COL23A1: variants seen among roughly 807,000 people sequenced by gnomAD.
COL23A1 encodes the protein collagen type XXIII alpha 1 chain, also known as collagen alpha-1(XXIII) chain.
In COL23A1, 97 loss-of-function variants were observed where a neutral mutation model predicts 99.3. The ratio of observed to expected loss-of-function variants is 0.98; its 90% CI spans 0.83 to 1.16. The LOEUF (loss-of-function observed/expected upper bound fraction) is 1.16. Ranked by LOEUF, COL23A1 falls within the 50% of genes most tolerant of loss-of-function variation. The pLI, the probability that COL23A1 is intolerant of heterozygous loss-of-function variation, is 0.00. For synonymous variants in COL23A1, 320 were observed against 308.2 expected (o/e 1.04, Z -0.40); for missense variants, 762 against 757.4 (o/e 1.01, Z -0.07).
At chr5:178,291,072 G>A (rs573158918) in intron 3 of COL23A1, among the ~76,000 whole-genome samples, 106 of 152,328 alleles carry the variant, frequency 7.0e-4, no homozygotes, top group South Asian at 1.7e-3. Flanking sequence ...ACAGAGCAGC[G>A]ACTTGTGTGG....
chr5:178,239,089 C>T, intron 28 of COL23A1, 52 bp downstream of exon 28: 3 of 1,605,388 alleles, frequency 1.9e-6, no homozygotes, highest in Non-Finnish European at 1.7e-6. Context: ...CCCATTCCCC[C>T]ACCCTCCCCT....
At chr5:178,576,943 G>A (rs1253754935) in intron 1 of COL23A1, among the ~76,000 whole-genome samples, 1 of 151,724 alleles carries the variant, frequency 6.6e-6, no homozygotes, top group African/African-American at 2.4e-5. Context: ...CCGCGGAGAC[G>A]TCTTCCCCGC....
chr5:178,529,976 G>A (rs1760551564), intron 2 of COL23A1, among the ~76,000 whole-genome samples: 1 of 152,218 alleles, frequency 6.6e-6, no homozygotes, highest in Non-Finnish European at 1.5e-5. Context: ...TCCCGCTCTA[G>A]CAGTCAGGCC....
At chr5:178,409,666 G>A (rs1764963699) in intron 2 of COL23A1, among the ~76,000 whole-genome samples, 1 of 152,074 alleles carries the variant, frequency 6.6e-6, no homozygotes, top group Non-Finnish European at 1.5e-5. Flanking sequence ...AAAATGAAAG[G>A]TAAAATTTTA....
intron 2 of COL23A1, among the ~76,000 whole-genome samples, chr5:178,485,903 C>T (rs1757602906): frequency 6.6e-6 from 1 of 151,850 alleles, no homozygotes; most frequent in Non-Finnish European, 1.5e-5. Flanking sequence ...TCCAGCTGTT[C>T]ATTGTGTTGG....
intron 2 of COL23A1, among the ~76,000 whole-genome samples, chr5:178,479,119 A>G (rs1227657531): frequency 6.6e-6 from 1 of 152,048 alleles, no homozygotes; most frequent in African/African-American, 2.4e-5. Context: ...GATGATGATG[A>G]TGATGACCGT....
At chr5:178,497,194 T>A (rs1758242358) in intron 2 of COL23A1, among the ~76,000 whole-genome samples, 1 of 152,096 alleles carries the variant, frequency 6.6e-6, no homozygotes, top group Non-Finnish European at 1.5e-5. Flanking sequence ...AACAAAACCA[T>A]GAGCTGTGCA....
chr5:178,420,451 CTCCCCA>C (rs1765558846), intron 2 of COL23A1, among the ~76,000 whole-genome samples: 1 of 94,004 alleles, frequency 1.1e-5, no homozygotes, highest in Non-Finnish European at 2.2e-5. Context: ...TCCTCCTCCC[CTCCCCA>C]CCTCTATCCT....
At chr5:178,474,942 C>G (rs551228563) in intron 2 of COL23A1, among the ~76,000 whole-genome samples, 1 of 152,342 alleles carries the variant, frequency 6.6e-6, no homozygotes, top group Admixed American at 6.5e-5. Context: ...CCTCTGAAGG[C>G]TTAGGGGAGA....
At chr5:178,577,995 ACTGT>A (rs1240930307) in intron 1 of COL23A1, among the ~76,000 whole-genome samples, 1 of 152,174 alleles carries the variant, frequency 6.6e-6, no homozygotes, top group Non-Finnish European at 1.5e-5. Context: ...AAAGTCTCTC[ACTGT>A]CTAAGTGAGA....
chr5:178,253,462 C>A (rs915137721), intron 16 of COL23A1, among the ~76,000 whole-genome samples: 5 of 152,020 alleles, frequency 3.3e-5, no homozygotes, highest in African/African-American at 7.2e-5. Flanking sequence ...GCTAGCCTTC[C>A]CCCAATATGT....
At chr5:178,521,049 G>A (rs1404826424) in intron 2 of COL23A1, among the ~76,000 whole-genome samples, 1 of 152,110 alleles carries the variant, frequency 6.6e-6, no homozygotes, top group Admixed American at 6.5e-5. Flanking sequence ...GTAGCCTATT[G>A]CCCCCAGGCT....
intron 2 of COL23A1, among the ~76,000 whole-genome samples, chr5:178,536,037 G>C (rs900067602): frequency 2.0e-5 from 3 of 152,274 alleles, no homozygotes; most frequent in African/African-American, 7.2e-5. Flanking sequence ...ACAACCCTCT[G>C]AGGTGGAAAC....
chr5:178,461,506 C>T (rs1430588534), intron 2 of COL23A1, among the ~76,000 whole-genome samples: 1 of 152,228 alleles, frequency 6.6e-6, no homozygotes, highest in Admixed American at 6.5e-5. Context: ...GCAGGCAATG[C>T]CCTCTGAAAG....
intron 3 of COL23A1, among the ~76,000 whole-genome samples, chr5:178,303,898 G>A (rs1305134920): frequency 1.3e-5 from 2 of 152,218 alleles, no homozygotes; most frequent in African/African-American, 4.8e-5. Flanking sequence ...CCAGGGCTGC[G>A]AGAGAAGGGG....
rs1250710680 is a variant in COL23A1 at position 178,590,009 on chromosome 5, G to A, written c.189C>T (p.Gly63=). The A allele has an allele frequency of 7.4e-7, 1 of 1,349,080 alleles. No homozygotes were observed. The highest frequency in any genetic ancestry group is 9.5e-7 in the Non-Finnish European group (1 of 1,050,744). The allele number at this position is 1,349,080 out of a possible 1,614,324, so 83.6% of individuals were successfully genotyped here. A position where few individuals can be genotyped will look rare whatever the true frequency, so the allele number is the denominator to read the frequency against. The change falls in exon 1 of 29, where the codon GGC becomes GGT. Residue 63 remains glycine, a synonymous_variant. Coordinates refer to ENST00000390654, the MANE Select transcript of COL23A1 (RefSeq NM_173465.4). The surrounding 1 kb of genome is among the most constrained non-coding windows in gnomAD (Gnocchi z 5.7). ...GCTCCTCCTCGAGCGCCGCCACCCG[G>A]CCCTGCAGCGCGGCCGCCTGGACAC... The part of the protein sequence containing the change: ...LLGVQAAALQ[G]RVAALEEERE...
intron 2 of COL23A1, among the ~76,000 whole-genome samples, chr5:178,552,788 A>G (rs262009): frequency 0.26 from 38,898 of 151,096 alleles, 5,768 homozygotes; most frequent in African/African-American, 0.4. Flanking sequence ...ATCTTGGCTC[A>G]CTGCAACCTC....
chr5:178,356,881 G>A (rs549742307), intron 2 of COL23A1, among the ~76,000 whole-genome samples: 1 of 152,154 alleles, frequency 6.6e-6, no homozygotes, highest in East Asian at 1.9e-4. Flanking sequence ...TGGGGTCTGC[G>A]CACTGAGCCT....
At chr5:178,257,022 G>C in intron 13 of COL23A1, 94 bp from the exon 14 acceptor site, 6 of 1,093,552 alleles carry the variant, frequency 5.5e-6, no homozygotes, top group Non-Finnish European at 8.1e-6. Flanking sequence ...CTGAAGCCTC[G>C]CGATTAGGCC....
Sources: gnomAD v4.1 joint callset for allele counts (sites outside exome capture counted in the v4.1 genomes callset) on GRCh38, gnomAD v4.1.1 for gene constraint, Gnocchi (gnomAD v3.1) non-coding constraint, MANE v1.5 for transcripts, NCBI Gene and HGNC (gene_info 2026-07-23, HGNC 2026-07-21) for gene names.